Variants in RBFOX1 observed in about 807,000 individuals in gnomAD.
RBFOX1 encodes RNA binding fox-1 homolog 1.
In RBFOX1, 8 loss-of-function variants were observed where a neutral mutation model predicts 57.7. That is an observed-to-expected ratio of 0.14 (90% confidence interval 0.08 to 0.25). RBFOX1 has a LOEUF of 0.25. RBFOX1 is among the 10% of genes least tolerant of loss of function. The pLI is 1.00. For missense variants in RBFOX1, 611 were observed against 548.5 expected (o/e 1.11, Z -1.14); for synonymous variants, 326 against 222.4 (o/e 1.47, Z -4.15).
intron 2 of RBFOX1, among the ~76,000 whole-genome samples, chr16:5,546,677 C>A (rs2045219912): frequency 6.6e-6 from 1 of 152,114 alleles, no homozygotes; most frequent in Non-Finnish European, 1.5e-5. Flanking sequence ...ATAGGAAAAT[C>A]TGTGTGATGT....
At chr16:7,688,043 G>T (rs555115189) in intron 14 of RBFOX1, among the ~76,000 whole-genome samples, 1 of 152,084 alleles carries the variant, frequency 6.6e-6, no homozygotes, top group South Asian at 2.1e-4. Flanking sequence ...CAAAGTATTG[G>T]CTGGGCAGTC....
chr16:6,294,704 G>A lies in RBFOX1; in HGVS notation c.-126-22291G>A, dbSNP rs1260383280. On this transcript the variant is annotated intron_variant, in intron 1 of 15. Transcript: ENST00000550418. The stretch of plus-strand genomic sequence containing the variant: ...TGCAAGTTTAGAAAATTGTGTTTTG[G>A]CAATTGGCACATAAATACCAGGTTG... Among the ~76,000 whole-genome samples, 29 of 152,148 alleles carry A rather than the reference G, an allele frequency of 1.9e-4. 1 individual carries two copies. Among genetic ancestry groups the A allele is most frequent in the Admixed American group, 1.8e-3 (28 of 15,278 alleles).
chr16:6,079,663 C>T (rs1324852591), intron 1 of RBFOX1, among the ~76,000 whole-genome samples: 3 of 151,990 alleles, frequency 2.0e-5, no homozygotes, highest in Admixed American at 6.5e-5. Flanking sequence ...AGGGAGACCC[C>T]GTTTCTACAA....
At chr16:5,980,008 C>T (rs1206859530) in intron 4 of RBFOX1, among the ~76,000 whole-genome samples, 1 of 152,200 alleles carries the variant, frequency 6.6e-6, no homozygotes, top group Non-Finnish European at 1.5e-5. Context: ...GCAGAAACTG[C>T]TGTGCTAGGG....
At chr16:5,481,734 A>G (rs8060174) in intron 2 of RBFOX1, among the ~76,000 whole-genome samples, 32,678 of 152,174 alleles carry the variant, frequency 0.21, 3,769 homozygotes, top group Middle Eastern at 0.32. Context: ...GCATTCTGCC[A>G]TCATTCTGGA....
At chr16:5,610,179 C>G (rs1012861852) in intron 3 of RBFOX1, 2 of 152,168 alleles carry the variant, frequency 1.3e-5, no homozygotes, top group African/African-American at 2.4e-5. Flanking sequence ...ATCAGTCTGT[C>G]CCATTACCAG....
intron 4 of RBFOX1, chr16:7,126,284 C>G (rs573133322): frequency 1.6e-5 from 5 of 316,286 alleles, no homozygotes; most frequent in Non-Finnish European, 3.0e-5. Flanking sequence ...TCTTGAAGGA[C>G]TCAGCTCCTT....
intron 4 of RBFOX1, among the ~76,000 whole-genome samples, chr16:7,370,930 G>A (rs529942124): frequency 6.6e-6 from 1 of 152,312 alleles, no homozygotes; most frequent in East Asian, 1.9e-4. Flanking sequence ...GCCAGGGTGA[G>A]TGGAATACTG....
At chr16:6,510,899 C>T (rs894925369) in intron 2 of RBFOX1, among the ~76,000 whole-genome samples, 1 of 151,602 alleles carries the variant, frequency 6.6e-6, no homozygotes, top group African/African-American at 2.4e-5. Flanking sequence ...TTAATACTTA[C>T]TAGTGGCTGA....
chr16:6,032,941 GA>G (rs2152392367), intron 1 of RBFOX1, among the ~76,000 whole-genome samples: 1 of 150,550 alleles, frequency 6.6e-6, no homozygotes, highest in East Asian at 2.0e-4. Context: ...AATAGCTTAG[GA>G]TCCAGCTTAG....
chr16:7,428,833 A>G (rs570238569), intron 4 of RBFOX1, among the ~76,000 whole-genome samples: 3 of 152,186 alleles, frequency 2.0e-5, no homozygotes, highest in Middle Eastern at 3.4e-3. Context: ...ACTCATCTTT[A>G]TAATGGGAAT....
chr16:5,888,354 A>G (rs1326857443), intron 4 of RBFOX1, among the ~76,000 whole-genome samples: 1 of 151,756 alleles, frequency 6.6e-6, no homozygotes, highest in South Asian at 2.1e-4. Flanking sequence ...TTAATGACTT[A>G]TCACAATTTA....
chr16:6,379,523 A>T (rs936550708), intron 2 of RBFOX1, among the ~76,000 whole-genome samples: 1 of 152,150 alleles, frequency 6.6e-6, no homozygotes, highest in Non-Finnish European at 1.5e-5. Flanking sequence ...CACTGAAAAA[A>T]ACTGAGTATG....
intron 3 of RBFOX1, among the ~76,000 whole-genome samples, chr16:6,984,499 C>T (rs1010707582): frequency 6.6e-6 from 1 of 152,098 alleles, no homozygotes; most frequent in Non-Finnish European, 1.5e-5. Flanking sequence ...TTACTTGCAG[C>T]CTAAAGTCTC....
intron 3 of RBFOX1, among the ~76,000 whole-genome samples, chr16:7,040,441 A>G (rs2045798047): frequency 6.6e-6 from 1 of 152,216 alleles, no homozygotes; most frequent in African/African-American, 2.4e-5. Context: ...AGGCATTTAA[A>G]TTATATTATT....
intron 3 of RBFOX1, among the ~76,000 whole-genome samples, chr16:6,662,405 G>C (rs891157150): frequency 6.6e-6 from 1 of 151,992 alleles, no homozygotes; most frequent in Non-Finnish European, 1.5e-5. Flanking sequence ...TGCAATTTTT[G>C]TTTTTCAGTT....
intron 9 of RBFOX1, among the ~76,000 whole-genome samples, chr16:7,603,733 G>C (rs1358465139): frequency 6.6e-6 from 1 of 152,074 alleles, no homozygotes; most frequent in Non-Finnish European, 1.5e-5. Flanking sequence ...CGGGGAAAGG[G>C]AAAAAGGGAA....
intron 2 of RBFOX1, among the ~76,000 whole-genome samples, chr16:6,333,243 C>T (rs997126101): frequency 3.3e-5 from 5 of 152,120 alleles, no homozygotes; most frequent in African/African-American, 7.2e-5. Flanking sequence ...CAGGGTTTTG[C>T]CATGTTGGCC....
At chr16:5,596,280 T>C (rs2047179366) in intron 2 of RBFOX1, among the ~76,000 whole-genome samples, 2 of 152,138 alleles carry the variant, frequency 1.3e-5, no homozygotes, top group Admixed American at 1.3e-4. Context: ...GTTGCCTAGA[T>C]CCTCTATTCT....
Sources: gnomAD v4.1 joint callset for allele counts (sites outside exome capture counted in the v4.1 genomes callset) on GRCh38, gnomAD v4.1.1 for gene constraint, MANE v1.5 for transcripts, NCBI Gene and HGNC (gene_info 2026-07-23, HGNC 2026-07-21) for gene names.